The following LINGO2 variants were observed in gnomAD, a reference collection of about 807,000 sequenced individuals.
LINGO2 encodes leucine rich repeat and Ig domain containing 2.
A neutral mutation model predicts 30.6 loss-of-function variants in LINGO2; 14 were observed. The observed-to-expected ratio is 0.46, with a 90% CI of 0.30 to 0.72. LINGO2 has a LOEUF of 0.72. Ranked by LOEUF, LINGO2 falls within the 30% of genes least tolerant of loss-of-function variation. The probability of loss-of-function intolerance (pLI) is 0.07; values close to 1 mark genes in which losing one functional copy is unlikely to be tolerated. For synonymous variants in LINGO2, 317 were observed against 288.5 expected (o/e 1.10, Z -1.00); for missense variants, 729 against 751.7 (o/e 0.97, Z 0.35).
the LINGO2 span, among the ~76,000 whole-genome samples, chr9:29,028,427 G>GGTGT: frequency 8.1e-6 from 1 of 123,876 alleles, no homozygotes. Context: ...TGTGGGGGGG[G>GGTGT]GTGAGAGAGA....
the LINGO2 span, among the ~76,000 whole-genome samples, chr9:28,993,209 A>C: frequency 6.6e-6 from 1 of 152,052 alleles, no homozygotes; most frequent in Admixed American, 6.5e-5. Flanking sequence ...ACAGAAATAC[A>C]AACTACCATC....
chr9:29,046,385 C>T, the LINGO2 span, among the ~76,000 whole-genome samples: 2 of 152,230 alleles, frequency 1.3e-5, no homozygotes, highest in African/African-American at 4.8e-5. Context: ...CAGCACAATA[C>T]TTGTACAAAA....
chr9:28,240,263 A>C (rs1821734023), intron 4 of LINGO2, among the ~76,000 whole-genome samples: 1 of 152,274 alleles, frequency 6.6e-6, no homozygotes, highest in East Asian at 1.9e-4. Flanking sequence ...TTCTTCACAG[A>C]AATAGAAAAA....
At chr9:28,359,303 G>A (rs370743894) in intron 3 of LINGO2, among the ~76,000 whole-genome samples, 1 of 151,990 alleles carries the variant, frequency 6.6e-6, no homozygotes, top group African/African-American at 2.4e-5. Flanking sequence ...AATAGAATCT[G>A]GGACTAGATA....
intron 1 of LINGO2, among the ~76,000 whole-genome samples, chr9:28,509,353 T>A (rs1420617731): frequency 2.6e-5 from 4 of 152,236 alleles, no homozygotes; most frequent in African/African-American, 9.6e-5. Context: ...CTCCTTCCTA[T>A]GACAGTGATT....
chr9:27,943,350 G>A (rs76768845), downstream of LINGO2: 2 of 149,442 alleles, frequency 1.3e-5, no homozygotes, highest in Admixed American at 6.6e-5. Flanking sequence ...TTGCATTTTT[G>A]TTGTCTTCTA....
the LINGO2 span, among the ~76,000 whole-genome samples, chr9:29,093,057 G>GGA: frequency 4.8e-3 from 480 of 99,188 alleles, 31 homozygotes; most frequent in African/African-American, 0.019. Context: ...ATATATATAT[G>GGA]GAGAGAGAGA....
At chr9:28,543,737 A>C (rs939405681) in intron 1 of LINGO2, among the ~76,000 whole-genome samples, 5 of 152,096 alleles carry the variant, frequency 3.3e-5, no homozygotes, top group African/African-American at 1.2e-4. Flanking sequence ...TAAATAAAAC[A>C]TATTTCCTTG....
chr9:28,856,131 G>A, the LINGO2 span, among the ~76,000 whole-genome samples: 3 of 151,874 alleles, frequency 2.0e-5, no homozygotes, highest in East Asian at 3.9e-4. Flanking sequence ...AATAGGAAGC[G>A]TAATATGAAT....
the LINGO2 span, among the ~76,000 whole-genome samples, chr9:29,167,610 A>G: frequency 1.5e-4 from 23 of 152,174 alleles, no homozygotes; most frequent in African/African-American, 5.3e-4. Flanking sequence ...TATTGAGATA[A>G]AGGAAAACAA....
the LINGO2 span, among the ~76,000 whole-genome samples, chr9:29,189,238 A>G: frequency 7.5e-6 from 1 of 133,462 alleles, no homozygotes; most frequent in Non-Finnish European, 1.6e-5. Flanking sequence ...GGAGCCCCTC[A>G]CCTCCCGGAC....
At chr9:28,976,892 A>G in the LINGO2 span, among the ~76,000 whole-genome samples, 16 of 152,158 alleles carry the variant, frequency 1.1e-4, no homozygotes, top group Admixed American at 1.0e-3. Flanking sequence ...AATATCTGGT[A>G]GACTCATGGC....
chr9:28,486,966 C>T (rs1416304888), intron 1 of LINGO2, among the ~76,000 whole-genome samples: 1 of 151,890 alleles, frequency 6.6e-6, no homozygotes, highest in Non-Finnish European at 1.5e-5. Context: ...CAAGCAGAGA[C>T]AGCGGGAGCA....
intron 5 of LINGO2, among the ~76,000 whole-genome samples, chr9:27,993,490 T>A (rs1821499691): frequency 1.3e-5 from 2 of 152,050 alleles, no homozygotes; most frequent in Non-Finnish European, 1.5e-5. Context: ...TGATTCATGA[T>A]CATACCACTG....
chr9:28,776,140 C>T, the LINGO2 span, among the ~76,000 whole-genome samples: 1 of 152,168 alleles, frequency 6.6e-6, no homozygotes, highest in African/African-American at 2.4e-5. Context: ...CAAAATCTAA[C>T]TCTTGAATAA....
At chr9:28,772,019 C>G in the LINGO2 span, among the ~76,000 whole-genome samples, 7,379 of 152,186 alleles carry the variant, frequency 0.048, 304 homozygotes, top group Admixed American at 0.12. Context: ...TCTGAAATAC[C>G]TAGCACAGTG....
Position 28,034,468 on chromosome 9 carries a change from G to A in LINGO2, c.-86-22063C>T, listed in dbSNP as rs148594733. Reference sequence around the variant, plus strand: ...GGAGGTTTCGCACATATTCTAGTTAGGAAAGCTCAGCCTGGCTTTTGTGGC... The same window carrying A: ...GGAGGTTTCGCACATATTCTAGTTAAGAAAGCTCAGCCTGGCTTTTGTGGC... On this transcript the variant is annotated intron_variant, in intron 4 of 5. Coordinates refer to ENST00000379992, the Ensembl canonical transcript of LINGO2. Among the ~76,000 whole-genome samples, 342 of 152,290 alleles carry A rather than the reference G, an allele frequency of 2.2e-3. 2 individuals carry two copies. Among genetic ancestry groups the A allele is most frequent in the Middle Eastern group, 0.014 (4 of 294 alleles).
the LINGO2 span, among the ~76,000 whole-genome samples, chr9:29,017,719 C>T: frequency 2.6e-5 from 4 of 151,988 alleles, no homozygotes; most frequent in African/African-American, 7.2e-5. Flanking sequence ...AGAAGCTCCC[C>T]AACAAGAGGA....
the LINGO2 span, among the ~76,000 whole-genome samples, chr9:28,762,206 C>A: frequency 6.6e-6 from 1 of 152,056 alleles, no homozygotes; most frequent in Admixed American, 6.6e-5. Context: ...CTATTTATTT[C>A]CATTTTAATT....
Sources: allele counts gnomAD v4.1 joint callset (sites outside exome capture counted in the v4.1 genomes callset), GRCh38; gene constraint gnomAD v4.1.1; transcripts MANE v1.5; gene names NCBI Gene and HGNC (gene_info 2026-07-23, HGNC 2026-07-21).